Variants in UNC93B1 observed in about 807,000 individuals in gnomAD.
UNC93B1 encodes protein unc-93 homolog B1.
A neutral mutation model predicts 56.8 loss-of-function variants in UNC93B1; 33 were observed. The ratio of observed to expected loss-of-function variants is 0.58; its 90% confidence interval spans 0.44 to 0.78. The LOEUF (loss-of-function observed/expected upper bound fraction) is 0.78, where lower values mean the gene tolerates loss of function less well. Among genes scored for constraint, UNC93B1 ranks in the 30% least tolerant of loss-of-function variants. The pLI is 0.00. For missense variants in UNC93B1, 673 were observed against 819.5 expected (o/e 0.82, Z 2.18); for synonymous variants, 334 against 358.6 (o/e 0.93, Z 0.77).
intron 6 of UNC93B1, among the ~76,000 whole-genome samples, 200 bp from the exon 7 acceptor site, chr11:67,997,999 C>T (rs1418627970): frequency 6.6e-6 from 1 of 152,218 alleles, no homozygotes; most frequent in Non-Finnish European, 1.5e-5. Context: ...GGGTGTTCCC[C>T]GGGAAAGGGG....
intron 3 of UNC93B1, among the ~76,000 whole-genome samples, chr11:68,000,185 G>T (rs1857023436): frequency 6.6e-6 from 1 of 152,230 alleles, no homozygotes; most frequent in Non-Finnish European, 1.5e-5. Flanking sequence ...CTCTGGGTCT[G>T]GGAAAAGGTC....
At chr11:67,998,080 G>A (rs1010354839) in intron 6 of UNC93B1, among the ~76,000 whole-genome samples, 2 of 152,222 alleles carry the variant, frequency 1.3e-5, no homozygotes, top group African/African-American at 4.8e-5. Flanking sequence ...CACACCCCCT[G>A]CACTGATTGA....
At chr11:67,993,150 G>A (rs1203853932) in intron 10 of UNC93B1, among the ~76,000 whole-genome samples, 2 of 151,928 alleles carry the variant, frequency 1.3e-5, no homozygotes, top group African/African-American at 4.8e-5. Flanking sequence ...CACCACGCCC[G>A]GCTAATTTTT....
At chr11:67,998,223 A>G in intron 6 of UNC93B1, 136 bp downstream of exon 6, 1 of 987,258 alleles carries the variant, frequency 1.0e-6, no homozygotes, top group Non-Finnish European at 1.6e-6. Flanking sequence ...TTACTCCTAC[A>G]GGGCCCTGTG....
intron 7 of UNC93B1, among the ~76,000 whole-genome samples, 153 bp from the exon 8 acceptor site, chr11:67,996,937 G>C (rs552190505): frequency 2.3e-3 from 351 of 150,520 alleles, no homozygotes; most frequent in Admixed American, 4.7e-3. Context: ...CACTCCCACA[G>C]ACCCAGGTCT....
chr11:67,991,984 T>A (rs1291864338), intron 10 of UNC93B1, 127 bp from the exon 11 acceptor site: 1 of 1,006,630 alleles, frequency 9.9e-7, no homozygotes, highest in Non-Finnish European at 1.4e-6. Context: ...GGCCCTCAAC[T>A]TCTCCAGCCC....
In UNC93B1 at chr11:67,996,745, C is replaced by A. The variant is rs1280732144; in HGVS notation, c.946G>T (p.Glu316Ter). 1 of 1,561,272 alleles carries A rather than the reference C, an allele frequency of 6.4e-7. No individual in the cohort carries two copies. The highest frequency in any genetic ancestry group is 8.7e-7 in the Non-Finnish European group (1 of 1,152,454). Residue 316 changes from glutamate to a stop codon, truncating the protein, a stop_gained, in exon 8 of 11, where the codon GAG becomes TAG. Coordinates refer to ENST00000227471, the MANE Select transcript of UNC93B1 (RefSeq NM_030930.4). LOFTEE classifies it high-confidence loss of function. ...CAGCCCACGCTGCGCAGATCGATCTCCTCCGTGGGCCGGTAAGCGGCTCCG... is the reference window on the plus strand; with the variant it reads ...CAGCCCACGCTGCGCAGATCGATCTACTCCGTGGGCCGGTAAGCGGCTCCG... ...LCGAAYRPTE[E>*]IDLRSVGWGN...
chr11:67,991,761 G>A lies in UNC93B1; in HGVS notation c.1579C>T (p.Pro527Ser). 2 of 1,540,656 alleles carry A rather than the reference G, an allele frequency of 1.3e-6. No individual in the cohort carries two copies. The highest frequency in any genetic ancestry group is 1.7e-6 in the Non-Finnish European group (2 of 1,150,854). Residue 527 changes from proline (P) to serine (S), a missense_variant, in exon 11 of 11, where the codon CCC becomes TCC. By Grantham distance (74) the Pro-to-Ser change is moderately conservative (BLOSUM62 -1). Coordinates refer to ENST00000227471, the MANE Select transcript of UNC93B1 (RefSeq NM_030930.4). ...TTGTGCTGGGGCCGCGGGATGCGGG[G>A]CTGGCGCGGGGCCACGCCCCGGCGC... ...KLRRGVAPRQ[P>S]RIPRPQHKVR...
At chr11:67,993,890 G>A in intron 9 of UNC93B1, 96 bp from the exon 10 acceptor site, 1 of 861,662 alleles carries the variant, frequency 1.2e-6, no homozygotes, top group Non-Finnish European at 1.9e-6. Context: ...AGCCCTGTAT[G>A]GGTCCCAGCC....
rs1371327120 is a variant in UNC93B1, at chr11:68,003,799, C to T, written c.97-1G>A. On this transcript the variant is annotated splice_acceptor_variant, in intron 1 of 10. Coordinates refer to ENST00000227471, the MANE Select transcript of UNC93B1 (RefSeq NM_030930.4). LOFTEE classifies it high-confidence loss of function. This position sits in a 1 kb window ranked among gnomAD's most constrained non-coding sequence, Gnocchi z 4.4. ...GGTACGCGCCCACCAGCTCGTCCAG[C>T]TGCGAGCCACGCACGCCGCTCGCAC... 3 of 1,485,206 alleles carry T rather than the reference C, an allele frequency of 2.0e-6. No individual in the cohort carries two copies. The highest frequency in any genetic ancestry group is 2.7e-6 in the Non-Finnish European group (3 of 1,123,348). The allele number at this position is 1,485,206 out of a possible 1,614,324, so 92.0% of individuals were successfully genotyped here.
At position 68,000,111 on chromosome 11, in the gene UNC93B1, G is replaced by A. The variant is rs546958880; in HGVS notation, c.393-431C>T. Among the ~76,000 whole-genome samples the A allele has an allele frequency of 7.9e-5, 12 of 152,314 alleles. No homozygotes were observed. In the East Asian group the frequency reaches 1.7e-3, roughly 22 times the overall value. Reference sequence around the variant, plus strand: ...CTGGGAGCAGCAGAGCCAGAGTCCCGGCACCCCTGCCTCCAGTCCATTGCT... The same window carrying A: ...CTGGGAGCAGCAGAGCCAGAGTCCCAGCACCCCTGCCTCCAGTCCATTGCT... On this transcript the variant is annotated intron_variant, in intron 3 of 10. Coordinates refer to ENST00000227471, the MANE Select transcript of UNC93B1 (RefSeq NM_030930.4).
At chr11:68,000,798 T>TGTTAA (rs1318344625) in intron 3 of UNC93B1, among the ~76,000 whole-genome samples, 1 of 152,234 alleles carries the variant, frequency 6.6e-6, no homozygotes, top group Non-Finnish European at 1.5e-5. Context: ...GTCTGCCAGT[T>TGTTAA]ACTGCCTGTG....
chr11:67,997,430 C>T, intron 7 of UNC93B1: 1 of 593,716 alleles, frequency 1.7e-6, no homozygotes. Flanking sequence ...CCTCCTTCCC[C>T]TGGCCTCTGG....
rs746094011 is a variant in UNC93B1, at chr11:67,999,148, C to A, written c.687+25G>T. ...AATGCGTGGGTCTGCCCCTGCCACC[C>A]AACAATGGCCCACGTGGCACTCACA... On this transcript the variant is annotated intron_variant, in intron 5 of 10. Transcript: ENST00000227471. 5 of 1,613,440 alleles carry A rather than the reference C, an allele frequency of 3.1e-6. No homozygotes were observed. In the East Asian group the frequency reaches 6.7e-5, roughly 22 times the overall value.
chr11:67,991,293 G>T lies in UNC93B1; in HGVS notation c.*253C>A. 2.5e-6 allele frequency: 1 copy of T among 400,054 alleles called. No individual in the cohort carries two copies. The highest frequency in any genetic ancestry group is 4.4e-6 in the Non-Finnish European group (1 of 228,228). The allele number at this position is 400,054 out of a possible 1,614,324, so 24.8% of individuals were successfully genotyped here. The stretch of plus-strand genomic sequence containing the variant: ...TCCGGCGCTGGGGCGCGTGCTAAGG[G>T]CCCGCGGGGTTTCAGCTGTATTTTC... On this transcript the variant is annotated 3_prime_UTR_variant, in exon 11 of 11. Coordinates refer to ENST00000227471, the MANE Select transcript of UNC93B1 (RefSeq NM_030930.4).
intron 3 of UNC93B1, among the ~76,000 whole-genome samples, chr11:68,002,250 C>T (rs1046900739): frequency 4.0e-5 from 6 of 150,080 alleles, no homozygotes; most frequent in Non-Finnish European, 8.9e-5. Flanking sequence ...GCTCTGGGGA[C>T]AAGGATGTGA....
Position 67,991,717 on chromosome 11 carries a change from G to A in UNC93B1, c.1623C>T (p.Tyr541=), listed in dbSNP as rs760294150. 5.9e-6 allele frequency: 9 copies of A among 1,536,214 alleles called. No homozygotes were observed. The South Asian group carries it at 1.1e-4, about 18-fold the overall frequency. The change falls in exon 11 of 11, where the codon TAC becomes TAT. Residue 541 remains tyrosine (Y), a synonymous_variant. Coordinates refer to ENST00000227471, the MANE Select transcript of UNC93B1 (RefSeq NM_030930.4). ...RPQHKVRGYR[Y]LEEDNSDESD... is the part of the protein sequence containing the mutation. Reference sequence around the variant, plus strand: ...TCTCGTCCGAGTTGTCCTCCTCCAAGTAGCGGTAACCGCGCACCTTGTGCT... The same window carrying A: ...TCTCGTCCGAGTTGTCCTCCTCCAAATAGCGGTAACCGCGCACCTTGTGCT...
intron 10 of UNC93B1, among the ~76,000 whole-genome samples, chr11:67,992,991 T>C (rs975699064): frequency 1.3e-5 from 2 of 151,720 alleles, no homozygotes; most frequent in African/African-American, 2.4e-5. Flanking sequence ...GTTCTATTTT[T>C]ATTTTTATTT....
rs893814016 is a variant in UNC93B1, at chr11:67,993,775, G to A, written c.1383C>T (p.Tyr461=). 5.7e-5 allele frequency: 66 copies of A among 1,164,644 alleles called. No homozygotes were observed. The East Asian group carries it at 7.1e-4, about 12-fold the overall frequency. The allele number at this position is 1,164,644 out of a possible 1,614,324, so 72.1% of individuals were successfully genotyped here. The change falls in exon 10 of 11, where the codon TAC becomes TAT. Residue 461 remains tyrosine, a synonymous_variant. Transcript: ENST00000227471. The part of the protein sequence containing the change: ...TGLSTLLGIL[Y]EDKERQDFIF... The stretch of plus-strand genomic sequence containing the variant: ...TGAAGTCCTGTCTCTCCTTGTCTTC[G>A]TACAAGATTCCCAGGAGTGCTGCAG...
Sources: gnomAD v4.1 joint callset for allele counts (sites outside exome capture counted in the v4.1 genomes callset) on GRCh38, gnomAD v4.1.1 for gene constraint, Gnocchi (gnomAD v3.1) non-coding constraint, MANE v1.5 for transcripts, NCBI Gene and HGNC (gene_info 2026-07-23, HGNC 2026-07-21) for gene names.